KCNAB1: variants seen among roughly 807,000 people sequenced by gnomAD.
KCNAB1 encodes the protein potassium voltage-gated channel subfamily A regulatory beta subunit 1, also known as voltage-gated potassium channel subunit beta-1.
A neutral mutation model predicts 64.6 loss-of-function variants in KCNAB1; 35 were observed. The ratio of observed to expected loss-of-function variants is 0.54; its 90% CI spans 0.41 to 0.72. KCNAB1 has a LOEUF of 0.72. Ranked by LOEUF, KCNAB1 falls within the 30% of genes least tolerant of loss-of-function variation. KCNAB1 has a pLI of 0.00. For synonymous variants in KCNAB1, 177 were observed against 183.8 expected, an observed-to-expected ratio of 0.96 and a Z score of 0.30; for missense variants, 401 against 512.9, an observed-to-expected ratio of 0.78 and a Z score of 2.11.
chr3:156,233,768 G>C lies in KCNAB1; in HGVS notation c.275+112882G>C, dbSNP rs945236420. Among the ~76,000 whole-genome samples the C allele has an allele frequency of 2.0e-5, 3 of 152,144 alleles. No individual in the cohort carries two copies. In the East Asian group the frequency reaches 5.8e-4, roughly 29 times the overall value. On this transcript the variant is annotated intron_variant, in intron 1 of 13. Coordinates refer to ENST00000490337, the MANE Select transcript of KCNAB1 (RefSeq NM_172160.3). The stretch of plus-strand genomic sequence containing the variant: ...TCTCTCTTCAGTAAAGAGCTGGGAA[G>C]ACTTGCTAATAGATTGAATCTGAGG...
chr3:156,310,163 C>CA (rs1253838141), intron 1 of KCNAB1, among the ~76,000 whole-genome samples: 3 of 152,028 alleles, frequency 2.0e-5, no homozygotes, highest in Non-Finnish European at 4.4e-5. Context: ...TAATCCTCCT[C>CA]AAAAAAATGG....
rs180965619 is a variant in KCNAB1, at chr3:156,288,981, A to G, written c.276-132635A>G. Among the ~76,000 whole-genome samples the G allele has an allele frequency of 3.0e-4, 46 of 151,582 alleles. No homozygotes were observed. The East Asian group carries it at 4.9e-3, about 16-fold the overall frequency. On this transcript the variant is annotated intron_variant, in intron 1 of 13. Transcript: ENST00000490337. ...TTTGTTTTCTTATCTCCTTCTCTCA[A>G]TTATTTATAGAGTGAGGGCCTGCTA...
chr3:156,256,528 C>A (rs1368419791), intron 1 of KCNAB1, among the ~76,000 whole-genome samples: 1 of 152,160 alleles, frequency 6.6e-6, no homozygotes, highest in Non-Finnish European at 1.5e-5. Context: ...GACAGCTTAG[C>A]CCCACCAATG....
rs549124842 is a variant in KCNAB1 at position 156,242,625 on chromosome 3, C to T, written c.275+121739C>T. 2.3e-3 allele frequency among the ~76,000 whole-genome samples: 347 copies of T among 152,002 alleles called. 2 individuals carry two copies. The highest frequency in any genetic ancestry group is 8.1e-3 in the African/African-American group (337 of 41,480). ...CATTTTGGATAGCATGCTTAAATTT[C>T]TAAAACCTTCTTTTGGTTTTCTGAA... On this transcript the variant is annotated intron_variant, in intron 1 of 13. Transcript: ENST00000490337.
In KCNAB1 at chr3:156,290,288, A is replaced by G. The variant is rs1427305790; in HGVS notation, c.276-131328A>G. ...GGGGACAGTGCTTCCTTTTTTCTCC[A>G]TATTGATCTTCATTGACTAATACAG... On this transcript the variant is annotated intron_variant, in intron 1 of 13. Coordinates refer to ENST00000490337, the MANE Select transcript of KCNAB1 (RefSeq NM_172160.3). Among the ~76,000 whole-genome samples the G allele has an allele frequency of 2.6e-5, 4 of 152,228 alleles. No individual in the cohort carries two copies. In the East Asian group the frequency reaches 7.7e-4, roughly 29 times the overall value.
At chr3:156,478,922 TG>T (rs976423830) in intron 8 of KCNAB1, among the ~76,000 whole-genome samples, 2 of 151,952 alleles carry the variant, frequency 1.3e-5, no homozygotes, top group African/African-American at 4.8e-5. Context: ...GTGCAATCAG[TG>T]GAGAAAGGGG....
At chr3:156,296,200 A>G (rs939256580) in intron 1 of KCNAB1, among the ~76,000 whole-genome samples, 12 of 152,248 alleles carry the variant, frequency 7.9e-5, no homozygotes, top group African/African-American at 2.9e-4. Flanking sequence ...AGAGCAAATC[A>G]TTCAGGACAG....
chr3:156,440,060 TCTC>T (rs1428095257), intron 2 of KCNAB1, among the ~76,000 whole-genome samples: 5 of 152,214 alleles, frequency 3.3e-5, no homozygotes, highest in Non-Finnish European at 7.3e-5. Flanking sequence ...GCTCATCACT[TCTC>T]CTCTGCTGGT....
At chr3:156,186,141 G>A (rs1409745965) in intron 1 of KCNAB1, among the ~76,000 whole-genome samples, 1 of 152,142 alleles carries the variant, frequency 6.6e-6, no homozygotes, top group Non-Finnish European at 1.5e-5. Context: ...CAATTCAAAC[G>A]GATGGTCCTT....
In KCNAB1 at chr3:156,282,177, G is replaced by A. The variant is rs1214125064; in HGVS notation, c.276-139439G>A. 6.3e-3 allele frequency among the ~76,000 whole-genome samples: 914 copies of A among 144,142 alleles called. 13 individuals carry two copies. The highest frequency in any genetic ancestry group is 0.023 in the African/African-American group (862 of 37,246). 94.6% of individuals were successfully genotyped at this position (144,142 alleles called of 152,430 possible). A position where few individuals can be genotyped will look rare whatever the true frequency, so the allele number is the denominator to read the frequency against. ...TCTGGTATGTTGTGTCTTTGTTCTC[G>A]TTGGTTTCAAAGAACATCTTTATTT... On this transcript the variant is annotated intron_variant, in intron 1 of 13. Coordinates refer to ENST00000490337, the MANE Select transcript of KCNAB1 (RefSeq NM_172160.3).
chr3:156,528,962 A>G (rs553009070), intron 12 of KCNAB1, among the ~76,000 whole-genome samples: 20 of 152,266 alleles, frequency 1.3e-4, no homozygotes, highest in African/African-American at 4.6e-4. Flanking sequence ...TGAGAGCTGT[A>G]TGGGGGAAAT....
chr3:156,425,422 C>G (rs1429340545), intron 2 of KCNAB1, among the ~76,000 whole-genome samples: 1 of 152,086 alleles, frequency 6.6e-6, no homozygotes, highest in Non-Finnish European at 1.5e-5. Context: ...AGAACACAGC[C>G]CTGCCAAGGA....
intron 1 of KCNAB1, among the ~76,000 whole-genome samples, chr3:156,409,284 AACT>A (rs1451269162): frequency 4.6e-5 from 7 of 152,338 alleles, no homozygotes; most frequent in Non-Finnish European, 8.8e-5. Context: ...GATTTTAACC[AACT>A]GGAATTAATT....
At chr3:156,359,449 GA>G (rs761632812) in intron 1 of KCNAB1, among the ~76,000 whole-genome samples, 4 of 152,136 alleles carry the variant, frequency 2.6e-5, no homozygotes, top group Non-Finnish European at 5.9e-5. Flanking sequence ...GTTTTGAAAG[GA>G]ATTTCAAAAG....
At chr3:156,515,372 C>A in intron 10 of KCNAB1, 152 bp downstream of exon 10, 1 of 709,048 alleles carries the variant, frequency 1.4e-6, no homozygotes, top group Non-Finnish European at 2.2e-6. Context: ...GAGATTGTAG[C>A]AGAATCAAAA....
chr3:156,143,643 C>T lies in KCNAB1; in HGVS notation c.275+22757C>T, dbSNP rs75461263. ...CTCAGAGGGTTACAGAAAAGACAGT[C>T]AAGTTCATCTGTGGAAACTCCTAAC... On this transcript the variant is annotated intron_variant, in intron 1 of 13. Coordinates refer to ENST00000490337, the MANE Select transcript of KCNAB1 (RefSeq NM_172160.3). Among the ~76,000 whole-genome samples the T allele has an allele frequency of 5.6e-3, 796 of 141,370 alleles. 4 individuals carry two copies. The highest frequency in any genetic ancestry group is 0.02 in the African/African-American group (757 of 37,428). The allele number at this position is 141,370 out of a possible 152,430, so 92.7% of individuals were successfully genotyped here.
intron 1 of KCNAB1, among the ~76,000 whole-genome samples, chr3:156,285,020 C>T (rs1576677701): frequency 6.6e-6 from 1 of 152,204 alleles, no homozygotes. Context: ...TTTTTTCTGT[C>T]GTATTTTCTT....
intron 1 of KCNAB1, among the ~76,000 whole-genome samples, chr3:156,300,574 A>G (rs1258799799): frequency 1.3e-5 from 2 of 152,198 alleles, no homozygotes; most frequent in Non-Finnish European, 2.9e-5. Flanking sequence ...GAAACATGGT[A>G]TGTCCTTTCG....
intron 1 of KCNAB1, among the ~76,000 whole-genome samples, chr3:156,160,420 AACTCTTC>A (rs1716006665): frequency 6.6e-6 from 1 of 152,186 alleles, no homozygotes; most frequent in South Asian, 2.1e-4. Context: ...AGCAGGTAGC[AACTCTTC>A]TCCATCTCCT....
Sources: allele counts gnomAD v4.1 joint callset (sites outside exome capture counted in the v4.1 genomes callset), GRCh38; gene constraint gnomAD v4.1.1; transcripts MANE v1.5; gene names NCBI Gene and HGNC (gene_info 2026-07-23, HGNC 2026-07-21).